The following NTM variants were observed in gnomAD, a reference collection of about 807,000 sequenced individuals.
The protein encoded by NTM is IgLON family member 2.
In NTM, 13 loss-of-function variants were observed where a neutral mutation model predicts 42.1. The observed-to-expected ratio is 0.31, with a 90% CI of 0.20 to 0.49. The LOEUF (loss-of-function observed/expected upper bound fraction) is 0.49, where lower values mean the gene tolerates loss of function less well. Among genes scored for constraint, NTM ranks in the 20% least tolerant of loss-of-function variants. NTM has a pLI of 0.99. For synonymous variants in NTM, 187 were observed against 179.2 expected (o/e 1.04, Z -0.35); for missense variants, 373 against 452.8 (o/e 0.82, Z 1.60).
intron 1 of NTM, among the ~76,000 whole-genome samples, chr11:131,678,315 C>G (rs970478727): frequency 2.0e-5 from 3 of 152,222 alleles, no homozygotes; most frequent in Non-Finnish European, 4.4e-5. Context: ...CTGACCATCA[C>G]AGGGGTAGGT....
chr11:131,789,948 T>A (rs1358696673), intron 1 of NTM, among the ~76,000 whole-genome samples: 1 of 94,378 alleles, frequency 1.1e-5, no homozygotes, highest in African/African-American at 4.7e-5. Flanking sequence ...AGAGCGAGAC[T>A]CCGTCTCAAA....
At chr11:132,004,605 T>TC (rs1331959288) in intron 2 of NTM, among the ~76,000 whole-genome samples, 14 of 144,044 alleles carry the variant, frequency 9.7e-5, no homozygotes, top group African/African-American at 3.4e-4. Flanking sequence ...CTTTCTCTCT[T>TC]TCTCTCTCTC....
intron 2 of NTM, among the ~76,000 whole-genome samples, chr11:132,013,079 T>A (rs1263015072): frequency 6.6e-6 from 1 of 152,104 alleles, no homozygotes; most frequent in Non-Finnish European, 1.5e-5. Flanking sequence ...TACTTGAAGA[T>A]AACCAATTTT....
chr11:131,712,772 C>T (rs79471805), intron 1 of NTM, among the ~76,000 whole-genome samples: 2,923 of 152,008 alleles, frequency 0.019, 85 homozygotes, highest in African/African-American at 0.065. Flanking sequence ...TTTGTAGAGA[C>T]GGGGTTTTTC....
chr11:131,715,246 A>T (rs1347012519), intron 1 of NTM, among the ~76,000 whole-genome samples: 1 of 152,232 alleles, frequency 6.6e-6, no homozygotes. Context: ...GGAGCTACAG[A>T]ATTACTATTC....
intron 7 of NTM, among the ~76,000 whole-genome samples, chr11:132,328,517 T>C (rs2095733552): frequency 6.6e-6 from 1 of 152,168 alleles, no homozygotes; most frequent in African/African-American, 2.4e-5. Context: ...AAACCTCTTT[T>C]ATTTTCAGCA....
chr11:131,665,157 G>C (rs558310029), intron 1 of NTM, among the ~76,000 whole-genome samples: 19 of 152,250 alleles, frequency 1.2e-4, no homozygotes, highest in Non-Finnish European at 7.4e-5. Flanking sequence ...TGGAGACAGC[G>C]GCTTCCTCTT....
At chr11:131,492,619 G>A (rs1954920321) in intron 1 of NTM, among the ~76,000 whole-genome samples, 2 of 152,240 alleles carry the variant, frequency 1.3e-5, no homozygotes, top group Admixed American at 6.5e-5. Flanking sequence ...TGGCCCTTCC[G>A]ATGCTAGGGG....
At chr11:131,915,611 G>A (rs535090275) in intron 2 of NTM, among the ~76,000 whole-genome samples, 51 of 152,156 alleles carry the variant, frequency 3.4e-4, no homozygotes, top group African/African-American at 1.0e-3. Context: ...GTATTAGTCC[G>A]TTAGGCAGTG....
In NTM at chr11:131,650,776, A is replaced by C. The variant is rs563195081; in HGVS notation, c.83-260788A>C. ...GAAAAAAAAATACCAAATTTAAAAA[A>C]ATTACTGGGAAATTCTGTTATATAA... On this transcript the variant is annotated intron_variant, in intron 1 of 8. Transcript: ENST00000683400. 1.2e-3 allele frequency among the ~76,000 whole-genome samples: 178 copies of C among 152,316 alleles called. 1 individual carries two copies. The highest frequency in any genetic ancestry group is 4.2e-3 in the African/African-American group (175 of 41,584).
intron 3 of NTM, among the ~76,000 whole-genome samples, chr11:132,159,849 G>A (rs1361682015): frequency 6.6e-6 from 1 of 152,216 alleles, no homozygotes; most frequent in Non-Finnish European, 1.5e-5. Flanking sequence ...GCAGCTGAAG[G>A]TCAAATTGGG....
intron 2 of NTM, among the ~76,000 whole-genome samples, chr11:131,915,650 A>C (rs2138087405): frequency 6.6e-6 from 1 of 152,326 alleles, no homozygotes; most frequent in South Asian, 2.1e-4. Context: ...AGACTGGGTA[A>C]TTTATAGAGA....
chr11:131,810,025 C>T (rs1005829594), intron 1 of NTM, among the ~76,000 whole-genome samples: 2 of 152,314 alleles, frequency 1.3e-5, no homozygotes, highest in Admixed American at 6.5e-5. Context: ...GGATCTGTGA[C>T]ACAGATTTAT....
chr11:131,771,116 A>T (rs1481082796), intron 1 of NTM: 1 of 151,326 alleles, frequency 6.6e-6, no homozygotes, highest in African/African-American at 2.4e-5. Context: ...TAAAACTTAT[A>T]AAAAAAAAGT....
intron 1 of NTM, among the ~76,000 whole-genome samples, chr11:131,575,046 G>C (rs1286267047): frequency 6.6e-6 from 1 of 152,138 alleles, no homozygotes; most frequent in Non-Finnish European, 1.5e-5. Flanking sequence ...CTATTCAGCA[G>C]GAATTCTCAA....
intron 1 of NTM, among the ~76,000 whole-genome samples, chr11:131,760,716 G>C (rs1352611725): frequency 2.0e-5 from 3 of 152,194 alleles, no homozygotes; most frequent in Admixed American, 6.5e-5. Flanking sequence ...AATCTCATGG[G>C]ATCTGGGCCC....
chr11:131,882,613 G>A (rs539260526), intron 1 of NTM, among the ~76,000 whole-genome samples: 3 of 152,232 alleles, frequency 2.0e-5, no homozygotes, highest in Middle Eastern at 3.4e-3. Flanking sequence ...CTTTACATTC[G>A]GAGTATCTCG....
rs995108064 is a variant in NTM, at chr11:132,006,236, C to T, written c.167+94588C>T. Reference sequence around the variant, plus strand: ...ATAAAACCCAGGGAGACCTAGCACCCGCATCTCTCAACTCAAAAATGGCGA... The same window carrying T: ...ATAAAACCCAGGGAGACCTAGCACCTGCATCTCTCAACTCAAAAATGGCGA... On this transcript the variant is annotated intron_variant, in intron 2 of 8. Transcript: ENST00000683400. Among the ~76,000 whole-genome samples, 5 of 152,222 alleles carry T rather than the reference C, an allele frequency of 3.3e-5. No individual in the cohort carries two copies. The East Asian group carries it at 5.8e-4, about 18-fold the overall frequency.
chr11:131,650,228 T>C (rs1282209964), intron 1 of NTM, among the ~76,000 whole-genome samples: 1 of 152,244 alleles, frequency 6.6e-6, no homozygotes, highest in African/African-American at 2.4e-5. Context: ...TTCTTGAAGA[T>C]GAAATCTCTG....
Sources: allele counts gnomAD v4.1 joint callset (sites outside exome capture counted in the v4.1 genomes callset), GRCh38; gene constraint gnomAD v4.1.1; transcripts MANE v1.5; gene names NCBI Gene and HGNC (gene_info 2026-07-23, HGNC 2026-07-21).